MSTO1: variants seen among roughly 807,000 people sequenced by gnomAD.
MSTO1 encodes the protein protein misato homolog 1.
Under a neutral mutation model 55.7 loss-of-function variants are expected in MSTO1, and 24 were observed. That is an observed-to-expected ratio of 0.43 (90% CI 0.31 to 0.61). The LOEUF (loss-of-function observed/expected upper bound fraction) is 0.61, where lower values mean the gene tolerates loss of function less well. Among genes scored for constraint, MSTO1 ranks in the 20% least tolerant of loss-of-function variants. The probability of loss-of-function intolerance (pLI) is 0.09; values close to 1 mark genes in which losing one functional copy is unlikely to be tolerated. For missense variants in MSTO1, 363 were observed against 625.7 expected, an observed-to-expected ratio of 0.58 and a Z score of 4.48; for synonymous variants, 162 against 252.8, an observed-to-expected ratio of 0.64 and a Z score of 3.41.
the MSTO1 span, chr1:155,602,049 C>T: frequency 4.7e-5 from 29 of 611,766 alleles, no homozygotes; most frequent in African/African-American, 4.3e-4. Context: ...CCGCCGCGCC[C>T]GGCCTCTTCT....
At chr1:155,609,135 G>A (rs923583546), upstream of MSTO1, among the ~76,000 whole-genome samples, 2 of 141,246 alleles carry the variant, frequency 1.4e-5, no homozygotes, top group African/African-American at 5.3e-5. Context: ...CCCTTGCCTT[G>A]TTTCTAAATA....
Position 155,614,343 on chromosome 1 carries a change from A to G in MSTO1, c.*70A>G. ...CTGGATGCAGGAGCCCAGTGTCTTC[A>G]TGCAGAGGAGCTCAATGTCGCGGGA... On this transcript the variant is annotated 3_prime_UTR_variant, in exon 14 of 14. Transcript: ENST00000245564. 1.1e-5 allele frequency: 6 copies of G among 567,234 alleles called. No homozygotes were observed. The highest frequency in any genetic ancestry group is 2.9e-5 in the East Asian group (1 of 34,436). 35.1% of individuals were successfully genotyped at this position (567,234 alleles called of 1,614,324 possible).
chr1:155,590,364 C>G, the MSTO1 span, among the ~76,000 whole-genome samples: 5 of 152,110 alleles, frequency 3.3e-5, no homozygotes, highest in African/African-American at 1.2e-4. Flanking sequence ...ATGTCAAGAT[C>G]CAGAATCTCA....
chr1:155,564,694 C>G, the MSTO1 span, among the ~76,000 whole-genome samples: 3,108 of 152,218 alleles, frequency 0.02, 105 homozygotes, highest in African/African-American at 0.071. Flanking sequence ...ACTTGTTTAC[C>G]GATCTTTTGT....
At chr1:155,603,884 A>G in the MSTO1 span, among the ~76,000 whole-genome samples, 5 of 152,246 alleles carry the variant, frequency 3.3e-5, no homozygotes, top group South Asian at 2.1e-4. Flanking sequence ...TTAAATCTCA[A>G]AACAACAACT....
the MSTO1 span, among the ~76,000 whole-genome samples, chr1:155,585,303 C>T: frequency 2.2e-3 from 331 of 152,262 alleles, 1 homozygote; most frequent in Non-Finnish European, 3.1e-3. Context: ...GCGGGCGGAT[C>T]ACGAGGTCAG....
At chr1:155,578,775 G>T in the MSTO1 span, among the ~76,000 whole-genome samples, 645 of 150,642 alleles carry the variant, frequency 4.3e-3, 4 homozygotes, top group African/African-American at 0.015. Context: ...CTCCCAAAGT[G>T]CTGGGATTAC....
chr1:155,579,091 TGAGGTTGG>T, the MSTO1 span, among the ~76,000 whole-genome samples: 64 of 151,530 alleles, frequency 4.2e-4, no homozygotes, highest in Non-Finnish European at 8.8e-4. Context: ...GCGGATCACC[TGAGGTTGG>T]GAGTTCAAGA....
At chr1:155,577,983 A>T in the MSTO1 span, among the ~76,000 whole-genome samples, 1 of 152,100 alleles carries the variant, frequency 6.6e-6, no homozygotes, top group African/African-American at 2.4e-5. Flanking sequence ...AGCTCAATTG[A>T]TCCACCCGCC....
chr1:155,591,229 C>T, the MSTO1 span: 49 of 1,610,326 alleles, frequency 3.0e-5, no homozygotes, highest in African/African-American at 4.7e-4. Context: ...AGTGTCAGGA[C>T]GACTCCCAGG....
the MSTO1 span, among the ~76,000 whole-genome samples, chr1:155,564,167 G>A: frequency 6.6e-6 from 1 of 152,296 alleles, no homozygotes; most frequent in East Asian, 1.9e-4. Context: ...GACTCCTGGG[G>A]ATCCAGGAAG....
chr1:155,580,227 AG>A, the MSTO1 span, among the ~76,000 whole-genome samples: 1 of 150,978 alleles, frequency 6.6e-6, no homozygotes, highest in Non-Finnish European at 1.5e-5. Context: ...CCTGACTCTA[AG>A]AAAAAAAAAA....
chr1:155,590,632 G>T, the MSTO1 span: 1 of 1,395,364 alleles, frequency 7.2e-7, no homozygotes, highest in South Asian at 1.4e-5. Flanking sequence ...GTACTCAGAG[G>T]TCCCCCGAGA....
the MSTO1 span, among the ~76,000 whole-genome samples, chr1:155,600,879 C>T: frequency 0.91 from 138,598 of 151,774 alleles, 64,713 homozygotes; most frequent in East Asian, 1. Context: ...GGTTTCACTG[C>T]GTTAGCCAGT....
At chr1:155,591,064 T>C in the MSTO1 span, 9 of 1,613,638 alleles carry the variant, frequency 5.6e-6, no homozygotes, top group Non-Finnish European at 7.6e-6. Flanking sequence ...CAGTGAGTCG[T>C]ACACCTTGCA....
At chr1:155,589,077 C>A in the MSTO1 span, among the ~76,000 whole-genome samples, 1 of 152,112 alleles carries the variant, frequency 6.6e-6, no homozygotes, top group African/African-American at 2.4e-5. Context: ...GCGGACAGAT[C>A]ACCTGAGGTC....
chr1:155,611,160 G>C, intron 3 of MSTO1, 52 bp downstream of exon 3: 8 of 1,473,054 alleles, frequency 5.4e-6, no homozygotes, highest in Non-Finnish European at 7.4e-6. Flanking sequence ...TACGCAGAAC[G>C]CTGGATAACT....
the MSTO1 span, among the ~76,000 whole-genome samples, chr1:155,572,672 T>C: frequency 2.6e-5 from 4 of 152,120 alleles, no homozygotes; most frequent in South Asian, 8.3e-4. Context: ...TTTTTTGAGA[T>C]GGAGTTTCGC....
chr1:155,577,039 AAAAGTT>A, the MSTO1 span, among the ~76,000 whole-genome samples: 96 of 149,524 alleles, frequency 6.4e-4, 1 homozygote, highest in African/African-American at 2.2e-3. Context: ...AAAAAAAAAA[AAAAGTT>A]AGAAAACTCA....
Sources: gnomAD v4.1 joint callset for allele counts (sites outside exome capture counted in the v4.1 genomes callset) on GRCh38, gnomAD v4.1.1 for gene constraint, MANE v1.5 for transcripts, NCBI Gene and HGNC (gene_info 2026-07-23, HGNC 2026-07-21) for gene names.